Variants in TMEM43 observed in about 807,000 individuals in gnomAD.
The protein encoded by TMEM43 is arrhythmogenic right ventricular dysplasia 5.
In TMEM43, 45 loss-of-function variants were observed where a neutral mutation model predicts 49.6. The observed-to-expected ratio is 0.91, with a 90% CI of 0.71 to 1.16. The LOEUF (loss-of-function observed/expected upper bound fraction) is 1.16, where lower values mean the gene tolerates loss of function less well. Ranked by LOEUF, TMEM43 falls within the 50% of genes most tolerant of loss-of-function variation. TMEM43 has a pLI of 0.00. For missense variants in TMEM43, 532 were observed against 516.6 expected (o/e 1.03, Z -0.29); for synonymous variants, 199 against 207.8 (o/e 0.96, Z 0.36).
intron 1 of TMEM43, among the ~76,000 whole-genome samples, chr3:14,127,774 G>A (rs1030889023): frequency 1.1e-4 from 17 of 152,154 alleles, no homozygotes; most frequent in African/African-American, 4.8e-5. Flanking sequence ...CTGGATTCAT[G>A]GACATCTGGT....
Position 14,141,640 on chromosome 3 carries a change from G to T in TMEM43, c.1048G>T (p.Ala350Ser). Residue 350 changes from alanine to serine, a missense_variant, in exon 12 of 12, where the codon GCC (alanine) becomes TCC (serine). By Grantham distance (99) the Ala-to-Ser change is moderately conservative (BLOSUM62 1). Transcript: ENST00000306077. ...AGACCTGGTCAACATTGGCCTGAAAGCCTTTGCCTTCTGTGTGGCCACCTC... is the reference window on the plus strand; with the variant it reads ...AGACCTGGTCAACATTGGCCTGAAATCCTTTGCCTTCTGTGTGGCCACCTC... ...FRDLVNIGLK[A>S]FAFCVATSLT... 6.2e-7 allele frequency: 1 copy of T among 1,614,168 alleles called. No individual in the cohort carries two copies.
chr3:14,126,095 C>T (rs1695017229), intron 1 of TMEM43, among the ~76,000 whole-genome samples: 1 of 152,130 alleles, frequency 6.6e-6, no homozygotes, highest in African/African-American at 2.4e-5. Flanking sequence ...TTCCAGACAC[C>T]GCCTCTGTCC....
At chr3:14,140,105 G>C (rs937350583) in intron 11 of TMEM43, among the ~76,000 whole-genome samples, 1 of 152,244 alleles carries the variant, frequency 6.6e-6, no homozygotes, top group Non-Finnish European at 1.5e-5. Flanking sequence ...ATCTTGGGCT[G>C]TCTGAGCTGG....
intron 10 of TMEM43, among the ~76,000 whole-genome samples, chr3:14,136,208 G>C (rs1419730594): frequency 6.6e-6 from 1 of 152,230 alleles, no homozygotes; most frequent in African/African-American, 2.4e-5. Flanking sequence ...TCGCCTGAAG[G>C]TGATTTTATA....
intron 10 of TMEM43, among the ~76,000 whole-genome samples, chr3:14,138,323 C>G (rs1201846460): frequency 6.6e-6 from 1 of 152,076 alleles, no homozygotes; most frequent in African/African-American, 2.4e-5. Context: ...GGGGGTGTGG[C>G]AGGGCTCTGG....
At chr3:14,130,790 C>T in intron 2 of TMEM43, 32 bp from the exon 3 acceptor site, 2 of 1,612,302 alleles carry the variant, frequency 1.2e-6, no homozygotes, top group Non-Finnish European at 1.7e-6. Flanking sequence ...CACCCCTGAG[C>T]TGTTGAAATC....
At chr3:14,135,696 C>G (rs899121093) in intron 9 of TMEM43, 111 bp from the exon 10 acceptor site, 11 of 831,990 alleles carry the variant, frequency 1.3e-5, no homozygotes, top group African/African-American at 1.2e-4. Context: ...CCCAGGGTTT[C>G]TGTGCTCACT....
At chr3:14,133,084 G>A (rs888426020) in intron 6 of TMEM43, 149 bp downstream of exon 6, 2 of 722,098 alleles carry the variant, frequency 2.8e-6, no homozygotes, top group Non-Finnish European at 4.9e-6. Flanking sequence ...GCCCTGTGCT[G>A]GGCACCAGGA....
chr3:14,131,600 TG>T lies in TMEM43; in HGVS notation c.322del (p.Val108SerfsTer6). On this transcript the variant is annotated frameshift_variant, in exon 4 of 12. Coordinates refer to ENST00000306077, the MANE Select transcript of TMEM43 (RefSeq NM_024334.3). LOFTEE classifies it high-confidence loss of function. Reference protein sequence around the residue: ...TSKLLSDPNYGVHLPAVKLRR... With the variant: ...TSKLLSDPNYXVHLPAVKLRR... ...TGAAGCTTTTGTCTGATCCAAACTA[TG>T]GGGTCCATCTTCCGGCTGTGAAACT... The T allele has an allele frequency of 6.2e-7, 1 of 1,614,206 alleles. No individual in the cohort carries two copies. The highest frequency in any genetic ancestry group is 1.1e-5 in the South Asian group (1 of 91,088).
At chr3:14,141,401 C>T (rs986183427) in intron 11 of TMEM43, among the ~76,000 whole-genome samples, 192 bp from the exon 12 acceptor site, 10 of 152,346 alleles carry the variant, frequency 6.6e-5, no homozygotes, top group African/African-American at 2.2e-4. Flanking sequence ...TGCCCAACCA[C>T]GCAGCTCATA....
chr3:14,141,642 C>T lies in TMEM43; in HGVS notation c.1050C>T (p.Ala350=), dbSNP rs1574942095. 1 of 1,614,190 alleles carries T rather than the reference C, an allele frequency of 6.2e-7. No homozygotes were observed. The highest frequency in any genetic ancestry group is 8.5e-7 in the Non-Finnish European group (1 of 1,180,038). ...FRDLVNIGLK[A]FAFCVATSLT... ...ACCTGGTCAACATTGGCCTGAAAGCCTTTGCCTTCTGTGTGGCCACCTCGC... is the reference window on the plus strand; with the variant it reads ...ACCTGGTCAACATTGGCCTGAAAGCTTTTGCCTTCTGTGTGGCCACCTCGC... Residue 350 remains alanine (A), a synonymous_variant, in exon 12 of 12, where the codon GCC becomes GCT. Transcript: ENST00000306077.
chr3:14,129,360 A>T, intron 1 of TMEM43, 52 bp from the exon 2 acceptor site: 1 of 1,342,644 alleles, frequency 7.4e-7, no homozygotes, highest in Non-Finnish European at 1.0e-6. Context: ...TAGCAAATTT[A>T]ATTTATTTTT....
At chr3:14,132,472 T>A (rs1695109555) in intron 4 of TMEM43, 74 bp from the exon 5 acceptor site, 1 of 1,552,158 alleles carries the variant, frequency 6.4e-7, no homozygotes, top group Non-Finnish European at 8.9e-7. Context: ...GGTTGCTTCC[T>A]GCTCAGATGC....
chr3:14,125,226 C>T (rs963190652), intron 1 of TMEM43, 21 bp downstream of exon 1: 4 of 1,603,668 alleles, frequency 2.5e-6, no homozygotes, highest in Admixed American at 1.7e-5. Flanking sequence ...CCGGGCCAGC[C>T]GGGCCACACC....
At chr3:14,133,525 C>T (rs1309045899) in intron 6 of TMEM43, among the ~76,000 whole-genome samples, 2 of 152,136 alleles carry the variant, frequency 1.3e-5, no homozygotes, top group Non-Finnish European at 2.9e-5. Context: ...GGGTAGGAAG[C>T]TCCGGGGAAC....
Position 14,135,229 on chromosome 3 carries a change from C to T in TMEM43, c.777C>T (p.His259=), listed in dbSNP as rs143958148. The change falls in exon 9 of 12, where the codon CAC becomes CAT. Residue 259 remains histidine (H), a synonymous_variant. Coordinates refer to ENST00000306077, the MANE Select transcript of TMEM43 (RefSeq NM_024334.3). ...SGDDPDLGPA[H]VVTVIARQRG... ...ATGACCCTGACCTGGGCCCAGCTCA[C>T]GTGGTAACCTGGCTTCCCAGGGGCA... 6.6e-5 allele frequency: 107 copies of T among 1,611,826 alleles called. No homozygotes were observed. In the African/African-American group the frequency reaches 1.0e-3, roughly 16 times the overall value.
chr3:14,131,815 C>T, intron 4 of TMEM43, 141 bp downstream of exon 4: 1 of 721,188 alleles, frequency 1.4e-6, no homozygotes, highest in Non-Finnish European at 2.4e-6. Context: ...TGAAATGATC[C>T]CCAAATTAAT....
chr3:14,136,398 A>G (rs913910132), intron 10 of TMEM43, among the ~76,000 whole-genome samples: 6 of 152,194 alleles, frequency 3.9e-5, no homozygotes, highest in Admixed American at 6.5e-5. Context: ...ACTGTGCCTC[A>G]CAGACTGTCC....
chr3:14,141,507 C>A, intron 11 of TMEM43, 86 bp from the exon 12 acceptor site: 1 of 1,287,684 alleles, frequency 7.8e-7, no homozygotes, highest in Non-Finnish European at 1.1e-6. Context: ...CAACATGGGC[C>A]CATCCTCATC....
Sources: allele counts gnomAD v4.1 joint callset (sites outside exome capture counted in the v4.1 genomes callset), GRCh38; gene constraint gnomAD v4.1.1; transcripts MANE v1.5; gene names NCBI Gene and HGNC (gene_info 2026-07-23, HGNC 2026-07-21).